The following FRMD6 variants were observed in gnomAD, a reference collection of about 807,000 sequenced individuals.
FRMD6 encodes the protein FERM domain containing 6, also known as FERM domain-containing protein 6.
A neutral mutation model predicts 73.2 loss-of-function variants in FRMD6; 37 were observed. The observed-to-expected ratio is 0.51, with a 90% CI of 0.39 to 0.66. The LOEUF is 0.66. Ranked by LOEUF, FRMD6 falls within the 30% of genes least tolerant of loss-of-function variation. FRMD6 has a pLI of 0.00. For synonymous variants in FRMD6, 273 were observed against 282.2 expected, an observed-to-expected ratio of 0.97 and a Z score of 0.33; for missense variants, 714 against 780.5, an observed-to-expected ratio of 0.91 and a Z score of 1.02.
At chr14:51,656,507 G>A (rs139022585) in intron 1 of FRMD6, among the ~76,000 whole-genome samples, 37 of 151,366 alleles carry the variant, frequency 2.4e-4, no homozygotes, top group African/African-American at 7.0e-4. Context: ...TCCACCTCCC[G>A]GGTCCAAATG....
chr14:51,445,744 T>G, the FRMD6 span, among the ~76,000 whole-genome samples: 147 of 152,324 alleles, frequency 9.7e-4, no homozygotes, highest in African/African-American at 3.4e-3. Flanking sequence ...CCTCAGCAGT[T>G]AGCACAGAGA....
chr14:51,427,824 A>G, the FRMD6 span, among the ~76,000 whole-genome samples: 2 of 152,094 alleles, frequency 1.3e-5, no homozygotes, highest in Admixed American at 6.5e-5. Flanking sequence ...TGGTGGGAGT[A>G]TCTACACCAC....
At chr14:51,471,348 A>C in the FRMD6 span, among the ~76,000 whole-genome samples, 165 of 152,116 alleles carry the variant, frequency 1.1e-3, no homozygotes, top group East Asian at 3.9e-3. Context: ...ACAACAACAA[A>C]AAATTAGCCG....
intron 10 of FRMD6, chr14:51,717,113 G>T (rs1317160943): frequency 6.6e-6 from 1 of 152,182 alleles, no homozygotes; most frequent in Non-Finnish European, 1.5e-5. Flanking sequence ...GAGAGACAGG[G>T]CGTTGTTCAT....
At chr14:51,425,363 G>T in the FRMD6 span, among the ~76,000 whole-genome samples, 1 of 152,080 alleles carries the variant, frequency 6.6e-6, no homozygotes, top group Non-Finnish European at 1.5e-5. Flanking sequence ...GATTCTATTT[G>T]TATGTCCATA....
chr14:51,527,892 C>T (rs1340203319), intron 1 of FRMD6, among the ~76,000 whole-genome samples: 2 of 152,060 alleles, frequency 1.3e-5, no homozygotes, highest in Non-Finnish European at 2.9e-5. Flanking sequence ...CAGTGAGGCT[C>T]AGTGGGGCCA....
chr14:51,557,245 CATATAT>C (rs35072700), intron 1 of FRMD6, among the ~76,000 whole-genome samples: 22,079 of 149,240 alleles, frequency 0.15, 1,977 homozygotes, highest in African/African-American at 0.25. Context: ...GAAAATGTGA[CATATAT>C]ATATATATAT....
chr14:51,613,067 C>T (rs565157602), intron 2 of FRMD6, among the ~76,000 whole-genome samples: 5 of 151,968 alleles, frequency 3.3e-5, no homozygotes, highest in African/African-American at 7.3e-5. Flanking sequence ...AGAGTGGAGA[C>T]GAAACCAGAA....
At chr14:51,492,670 G>A (rs569838443) in intron 1 of FRMD6, among the ~76,000 whole-genome samples, 1 of 152,174 alleles carries the variant, frequency 6.6e-6, no homozygotes, top group African/African-American at 2.4e-5. Context: ...AAGAATTGCA[G>A]ATTTGAAACA....
intron 2 of FRMD6, among the ~76,000 whole-genome samples, chr14:51,572,691 C>G (rs1186082258): frequency 6.6e-6 from 1 of 152,136 alleles, no homozygotes; most frequent in Non-Finnish European, 1.5e-5. Context: ...TTTTGAGTTC[C>G]TTTGTTGAAT....
At chr14:51,573,747 T>C (rs141800443) in intron 2 of FRMD6, among the ~76,000 whole-genome samples, 2 of 152,302 alleles carry the variant, frequency 1.3e-5, no homozygotes, top group African/African-American at 4.8e-5. Context: ...ACTGGACGCT[T>C]ACCTTAAATG....
chr14:51,664,501 AC>A (rs1284732346), intron 1 of FRMD6, among the ~76,000 whole-genome samples: 1 of 152,206 alleles, frequency 6.6e-6, no homozygotes, highest in Non-Finnish European at 1.5e-5. Flanking sequence ...TTTAATGCAT[AC>A]GTATTGTTTT....
chr14:51,517,742 G>A (rs1884711427), intron 1 of FRMD6, among the ~76,000 whole-genome samples: 1 of 152,110 alleles, frequency 6.6e-6, no homozygotes, highest in East Asian at 1.9e-4. Flanking sequence ...CTAACAACAA[G>A]CCACAGTTAT....
chr14:51,641,968 C>T (rs1157594007), intron 2 of FRMD6, among the ~76,000 whole-genome samples: 1 of 152,108 alleles, frequency 6.6e-6, no homozygotes, highest in African/African-American at 2.4e-5. Context: ...CAAAATATGG[C>T]TTTGAAGGTT....
chr14:51,605,134 G>GC, intron 2 of FRMD6, among the ~76,000 whole-genome samples: 1 of 111,584 alleles, frequency 9.0e-6, no homozygotes, highest in African/African-American at 3.5e-5. Context: ...CTTCTCTGCA[G>GC]GTTTCTTTTT....
At chr14:51,650,907 G>A (rs533332366), upstream of FRMD6, 1 of 152,510 alleles carries the variant, frequency 6.6e-6, no homozygotes, top group South Asian at 2.1e-4. Context: ...CAGAAGCCCA[G>A]GAGGTTGACG....
At chr14:51,609,414 AACTCCACAG>A (rs1890397417) in intron 2 of FRMD6, among the ~76,000 whole-genome samples, 2 of 152,240 alleles carry the variant, frequency 1.3e-5, no homozygotes, top group African/African-American at 4.8e-5. Context: ...CCAAAGGGTG[AACTCCACAG>A]ACATCGGTGT....
chr14:51,551,351 A>G (rs1886821903), intron 1 of FRMD6, among the ~76,000 whole-genome samples: 1 of 152,244 alleles, frequency 6.6e-6, no homozygotes, highest in Non-Finnish European at 1.5e-5. Flanking sequence ...ATTGACTTAA[A>G]TATAGATAGT....
At chr14:51,629,638 AG>A (rs1891262147) in intron 2 of FRMD6, among the ~76,000 whole-genome samples, 1 of 152,218 alleles carries the variant, frequency 6.6e-6, no homozygotes, top group Non-Finnish European at 1.5e-5. Context: ...AGAAGCAGAA[AG>A]GGATGCTTAG....
Sources: gnomAD v4.1 joint callset for allele counts (sites outside exome capture counted in the v4.1 genomes callset) on GRCh38, gnomAD v4.1.1 for gene constraint, MANE v1.5 for transcripts, NCBI Gene and HGNC (gene_info 2026-07-23, HGNC 2026-07-21) for gene names.